The following CNTN1 variants were observed in gnomAD, a reference collection of about 807,000 sequenced individuals.
The protein encoded by CNTN1 is contactin 1, also known as contactin-1.
A neutral mutation model predicts 126.4 loss-of-function variants in CNTN1; 38 were observed. The observed-to-expected ratio is 0.30, with a 90% CI of 0.23 to 0.39. The LOEUF is 0.39. Ranked by LOEUF, CNTN1 falls within the 10% of genes least tolerant of loss-of-function variation. The probability of loss-of-function intolerance (pLI) is 1.00; values close to 1 mark genes in which losing one functional copy is unlikely to be tolerated. For synonymous variants in CNTN1, 413 were observed against 422.6 expected, an observed-to-expected ratio of 0.98 and a Z score of 0.28; for missense variants, 1,009 against 1,248.4, an observed-to-expected ratio of 0.81 and a Z score of 2.89.
At chr12:40,835,592 T>A (rs766117464) in intron 1 of CNTN1, among the ~76,000 whole-genome samples, 1 of 152,150 alleles carries the variant, frequency 6.6e-6, no homozygotes, top group African/African-American at 2.4e-5. Context: ...AACTGTGTTG[T>A]TTTACTGCCA....
chr12:40,887,915 CA>C (rs1220395623), intron 1 of CNTN1, among the ~76,000 whole-genome samples: 2 of 149,544 alleles, frequency 1.3e-5, no homozygotes, highest in East Asian at 2.0e-4. Context: ...ATCGCAAGGA[CA>C]AAAAACCAAA....
At chr12:40,995,026 G>A (rs1948179166) in intron 17 of CNTN1, among the ~76,000 whole-genome samples, 1 of 151,948 alleles carries the variant, frequency 6.6e-6, no homozygotes, top group Non-Finnish European at 1.5e-5. Flanking sequence ...ATGAGCATAG[G>A]ACTACCTATG....
intron 15 of CNTN1, among the ~76,000 whole-genome samples, chr12:40,961,218 T>G (rs1947097288): frequency 1.3e-5 from 2 of 152,024 alleles, no homozygotes; most frequent in African/African-American, 4.8e-5. Context: ...AAAATACTGC[T>G]TACCTCTGTT....
Position 40,774,766 on chromosome 12 carries a change from CT to C in CNTN1, c.-77+82184del, listed in dbSNP as rs906936272. 2.5e-3 allele frequency among the ~76,000 whole-genome samples: 365 copies of C among 145,514 alleles called. 1 individual carries two copies. Among genetic ancestry groups the C allele is most frequent in the South Asian group, 0.015 (67 of 4,586 alleles). ...ATGCTTTTAGTCTTCTACTTTTGGC[CT>C]TTTTTTTTTATTACCTTTCTCTAGT... On this transcript the variant is annotated intron_variant, in intron 1 of 23. Coordinates refer to ENST00000551295, the MANE Select transcript of CNTN1 (RefSeq NM_001843.4).
Position 40,859,497 on chromosome 12 carries a change from A to T in CNTN1, c.-76-48860A>T, listed in dbSNP as rs191503259. ...AACCTAAAACTGCTCCCAAAAAGTTATTAAAATAAATAAGTAAACAAATTG... is the reference window on the plus strand; with the variant it reads ...AACCTAAAACTGCTCCCAAAAAGTTTTTAAAATAAATAAGTAAACAAATTG... On this transcript the variant is annotated intron_variant, in intron 1 of 23. Coordinates refer to ENST00000551295, the MANE Select transcript of CNTN1 (RefSeq NM_001843.4). Among the ~76,000 whole-genome samples the T allele has an allele frequency of 1.5e-3, 227 of 152,196 alleles. 3 individuals are homozygous for T. The highest frequency in any genetic ancestry group is 5.3e-3 in the African/African-American group (220 of 41,556).
chr12:40,775,744 G>A (rs1939552473), intron 1 of CNTN1, among the ~76,000 whole-genome samples: 1 of 151,552 alleles, frequency 6.6e-6, no homozygotes, highest in African/African-American at 2.4e-5. Flanking sequence ...GTAGGCACCA[G>A]CAAGTTTTTT....
intron 1 of CNTN1, among the ~76,000 whole-genome samples, chr12:40,712,285 T>C (rs1941935958): frequency 6.6e-6 from 1 of 152,178 alleles, no homozygotes; most frequent in Non-Finnish European, 1.5e-5. Context: ...TTCATTTATC[T>C]TCTATTCCTA....
At chr12:40,708,111 A>T (rs749276068) in intron 1 of CNTN1, among the ~76,000 whole-genome samples, 29 of 152,202 alleles carry the variant, frequency 1.9e-4, no homozygotes, top group Non-Finnish European at 3.5e-4. Context: ...AAGAGAACTT[A>T]TGGTATATTA....
intron 3 of CNTN1, among the ~76,000 whole-genome samples, chr12:40,912,955 G>A (rs887943967): frequency 2.6e-5 from 4 of 152,140 alleles, no homozygotes; most frequent in Admixed American, 6.5e-5. Context: ...GTAGTAAGAC[G>A]TGAGGTAGGT....
intron 1 of CNTN1, among the ~76,000 whole-genome samples, chr12:40,802,723 A>C (rs1380960220): frequency 1.3e-5 from 2 of 151,854 alleles, no homozygotes; most frequent in African/African-American, 2.4e-5. Flanking sequence ...ATGGTGAAAG[A>C]CTCTATGGTG....
intron 22 of CNTN1, 26 bp from the exon 23 acceptor site, chr12:41,029,037 A>T: frequency 6.2e-7 from 1 of 1,611,514 alleles, no homozygotes; most frequent in Non-Finnish European, 8.5e-7. Context: ...ACTTTACTGC[A>T]TATTTACATT....
chr12:41,048,604 T>C lies in CNTN1; in HGVS notation c.2980+19385T>C, dbSNP rs576280363. ...TTCTACATCATTATATTTCTTTTTT[T>C]CTATTTGATTTTTCTCATCACCATA... On this transcript the variant is annotated intron_variant, in intron 23 of 23. Transcript: ENST00000551295. Among the ~76,000 whole-genome samples the C allele has an allele frequency of 2.0e-5, 3 of 152,250 alleles. No homozygotes were observed. The South Asian group carries it at 6.2e-4, about 32-fold the overall frequency.
intron 1 of CNTN1, among the ~76,000 whole-genome samples, chr12:40,696,605 G>A (rs1196691550): frequency 6.6e-6 from 1 of 152,170 alleles, no homozygotes; most frequent in Non-Finnish European, 1.5e-5. Context: ...TTTGGAGCAG[G>A]AGACTCAGGT....
At chr12:40,791,201 G>A (rs1038551140) in intron 1 of CNTN1, among the ~76,000 whole-genome samples, 1 of 151,922 alleles carries the variant, frequency 6.6e-6, no homozygotes, top group Non-Finnish European at 1.5e-5. Context: ...TTATATTTTA[G>A]CAAATGAAAA....
At position 40,943,995 on chromosome 12, in the gene CNTN1, A is replaced by T. The variant is rs199754941; in HGVS notation, c.1508A>T (p.Asp503Val). 1.2e-6 allele frequency: 2 copies of T among 1,613,108 alleles called. No individual in the cohort carries two copies. The highest frequency in any genetic ancestry group is 8.5e-7 in the Non-Finnish European group (1 of 1,179,326). The stretch of plus-strand genomic sequence containing the variant: ...GTGCTTTACATTTAAAAATATATAG[A>T]TCCTACGCGAATTATATTGGCCCCA... ...ANSTGTLVITDPTRIILAPIN... is the reference protein window; with the variant it reads ...ANSTGTLVITVPTRIILAPIN... The change falls in exon 14 of 24, where the codon GAT (aspartate) becomes GTT (valine). Residue 503 changes from aspartate to valine, a missense_variant and splice_region_variant. Coordinates refer to ENST00000551295, the MANE Select transcript of CNTN1 (RefSeq NM_001843.4).
intron 20 of CNTN1, among the ~76,000 whole-genome samples, chr12:41,023,179 G>C (rs1019326686): frequency 6.6e-6 from 1 of 152,022 alleles, no homozygotes; most frequent in South Asian, 2.1e-4. Context: ...CTATTTTTCT[G>C]TGTATAAAGA....
intron 1 of CNTN1, among the ~76,000 whole-genome samples, chr12:40,786,384 G>C (rs1189872687): frequency 6.6e-6 from 1 of 152,224 alleles, no homozygotes; most frequent in East Asian, 1.9e-4. Flanking sequence ...CAGTGTTTCT[G>C]GTGATATGAA....
At chr12:40,779,294 T>G (rs895342509) in intron 1 of CNTN1, among the ~76,000 whole-genome samples, 1 of 151,798 alleles carries the variant, frequency 6.6e-6, no homozygotes, top group Non-Finnish European at 1.5e-5. Context: ...GTGAATTTAT[T>G]TAGCAATTTG....
At chr12:40,908,810 T>C (rs1944926873) in intron 2 of CNTN1, among the ~76,000 whole-genome samples, 1 of 152,156 alleles carries the variant, frequency 6.6e-6, no homozygotes, top group South Asian at 2.1e-4. Flanking sequence ...CCTGACATCA[T>C]TTAATGTGGA....
Sources: gnomAD v4.1 joint callset for allele counts (sites outside exome capture counted in the v4.1 genomes callset) on GRCh38, gnomAD v4.1.1 for gene constraint, MANE v1.5 for transcripts, NCBI Gene and HGNC (gene_info 2026-07-23, HGNC 2026-07-21) for gene names.